Variants in CNTNAP2 observed in about 807,000 individuals in gnomAD.
CNTNAP2 encodes the protein contactin associated protein 2.
In CNTNAP2, 98 loss-of-function variants were observed where a neutral mutation model predicts 155.2. The ratio of observed to expected loss-of-function variants is 0.63; its 90% CI spans 0.54 to 0.75. The LOEUF (loss-of-function observed/expected upper bound fraction) is 0.75, where lower values mean the gene tolerates loss of function less well. Among genes scored for constraint, CNTNAP2 ranks in the 30% least tolerant of loss-of-function variants. CNTNAP2 has a pLI of 0.00. For synonymous variants in CNTNAP2, 651 were observed against 631.2 expected (o/e 1.03, Z -0.47); for missense variants, 1,727 against 1,688.1 (o/e 1.02, Z -0.40).
chr7:146,609,690 C>T (rs1799103364), intron 1 of CNTNAP2, among the ~76,000 whole-genome samples: 1 of 152,110 alleles, frequency 6.6e-6, no homozygotes, highest in African/African-American at 2.4e-5. Context: ...GAAATATATA[C>T]AAGTAAACAG....
intron 11 of CNTNAP2, among the ~76,000 whole-genome samples, chr7:147,535,483 A>G (rs1392217438): frequency 6.6e-6 from 1 of 152,234 alleles, no homozygotes; most frequent in Non-Finnish European, 1.5e-5. Context: ...TAAATATGAC[A>G]GTGGAAAAAG....
chr7:147,063,506 T>C (rs1325823056), intron 4 of CNTNAP2, among the ~76,000 whole-genome samples: 3 of 152,092 alleles, frequency 2.0e-5, no homozygotes, highest in Non-Finnish European at 4.4e-5. Context: ...GCAATCTCAG[T>C]TTTTTTCTGG....
intron 1 of CNTNAP2, among the ~76,000 whole-genome samples, chr7:146,647,975 C>G (rs1175984139): frequency 6.6e-6 from 1 of 152,092 alleles, no homozygotes; most frequent in Non-Finnish European, 1.5e-5. Context: ...CCCAACCTTT[C>G]CAACTCATCA....
intron 4 of CNTNAP2, among the ~76,000 whole-genome samples, chr7:147,090,758 T>G (rs989136568): frequency 6.6e-6 from 1 of 152,184 alleles, no homozygotes; most frequent in Non-Finnish European, 1.5e-5. Flanking sequence ...GTTTTTAGGA[T>G]GTAATATTTT....
chr7:147,174,383 T>G (rs1340128813), intron 8 of CNTNAP2, among the ~76,000 whole-genome samples: 1 of 152,134 alleles, frequency 6.6e-6, no homozygotes, highest in Non-Finnish European at 1.5e-5. Flanking sequence ...GACATACCTG[T>G]AGTAGTTTCA....
intron 8 of CNTNAP2, among the ~76,000 whole-genome samples, chr7:147,299,218 A>G (rs1794895092): frequency 6.6e-6 from 1 of 152,072 alleles, no homozygotes; most frequent in South Asian, 2.1e-4. Context: ...CCAGTGTTAA[A>G]CTTTGTCCAG....
chr7:146,228,024 G>A (rs1799323912), intron 1 of CNTNAP2, among the ~76,000 whole-genome samples: 1 of 152,174 alleles, frequency 6.6e-6, no homozygotes, highest in South Asian at 2.1e-4. Context: ...TACAAAGCAT[G>A]CACTCCATCT....
intron 1 of CNTNAP2, among the ~76,000 whole-genome samples, chr7:146,390,898 C>G (rs1004571695): frequency 1.4e-5 from 2 of 146,728 alleles, no homozygotes; most frequent in Non-Finnish European, 3.0e-5. Flanking sequence ...GAAACCCCAT[C>G]TCTACTAAAA....
chr7:147,374,999 G>C (rs979616946), intron 9 of CNTNAP2, among the ~76,000 whole-genome samples: 9 of 151,902 alleles, frequency 5.9e-5, no homozygotes, highest in Non-Finnish European at 1.0e-4. Flanking sequence ...CAGTTTCCCC[G>C]ATGCTGTTCT....
chr7:146,651,691 A>C (rs926177770), intron 1 of CNTNAP2, among the ~76,000 whole-genome samples: 1 of 152,178 alleles, frequency 6.6e-6, no homozygotes. Context: ...ACATTATGAT[A>C]TTCTCTTATT....
At chr7:146,707,041 C>T (rs965080123) in intron 1 of CNTNAP2, among the ~76,000 whole-genome samples, 2 of 152,058 alleles carry the variant, frequency 1.3e-5, no homozygotes, top group African/African-American at 4.8e-5. Flanking sequence ...GAAAATTAGC[C>T]ACGTCGTAAA....
At chr7:146,989,964 G>A (rs899497564) in intron 3 of CNTNAP2, among the ~76,000 whole-genome samples, 3 of 151,158 alleles carry the variant, frequency 2.0e-5, no homozygotes, top group African/African-American at 7.3e-5. Flanking sequence ...GATCTACTTG[G>A]CTTATATGGA....
chr7:146,187,422 A>G (rs551646443), intron 1 of CNTNAP2, among the ~76,000 whole-genome samples: 2 of 152,320 alleles, frequency 1.3e-5, no homozygotes, highest in Middle Eastern at 3.4e-3. Context: ...ATGGGCCACA[A>G]AGTAGCCAAG....
chr7:147,794,737 G>GTTT (rs368387319), intron 13 of CNTNAP2, among the ~76,000 whole-genome samples: 88 of 149,044 alleles, frequency 5.9e-4, no homozygotes, highest in African/African-American at 1.8e-3. Flanking sequence ...TTTATGGGTA[G>GTTT]TTTTTTTTTT....
intron 13 of CNTNAP2, among the ~76,000 whole-genome samples, chr7:147,652,556 G>T (rs184597460): frequency 5.3e-5 from 8 of 152,210 alleles, no homozygotes; most frequent in Admixed American, 4.6e-4. Flanking sequence ...TTGTATATCG[G>T]AATTTCTATT....
At chr7:147,087,123 T>A (rs1800295242) in intron 4 of CNTNAP2, among the ~76,000 whole-genome samples, 1 of 152,202 alleles carries the variant, frequency 6.6e-6, no homozygotes. Context: ...ATTCAAGCTG[T>A]CTTTTTATTA....
intron 9 of CNTNAP2, among the ~76,000 whole-genome samples, chr7:147,390,446 G>C (rs1376113387): frequency 6.6e-6 from 1 of 152,110 alleles, no homozygotes; most frequent in East Asian, 1.9e-4. Flanking sequence ...GTTCTGACTT[G>C]ATATTTCTTA....
intron 15 of CNTNAP2, among the ~76,000 whole-genome samples, chr7:148,091,453 A>T (rs1026279417): frequency 2.0e-5 from 3 of 152,216 alleles, no homozygotes; most frequent in Non-Finnish European, 4.4e-5. Context: ...AAAGCTGATA[A>T]GTAATGAAGT....
intron 1 of CNTNAP2, among the ~76,000 whole-genome samples, chr7:146,203,255 T>C (rs1333121692): frequency 2.6e-5 from 4 of 152,148 alleles, no homozygotes; most frequent in African/African-American, 9.7e-5. Context: ...GGACTCAGTT[T>C]TCAAGAATGC....
Sources: gnomAD v4.1 joint callset for allele counts (sites outside exome capture counted in the v4.1 genomes callset) on GRCh38, gnomAD v4.1.1 for gene constraint, MANE v1.5 for transcripts, NCBI Gene and HGNC (gene_info 2026-07-23, HGNC 2026-07-21) for gene names.